SLK: variants seen among roughly 807,000 people sequenced by gnomAD.
SLK encodes STE20-like serine/threonine-protein kinase.
Under a neutral mutation model 147.7 loss-of-function variants are expected in SLK, and 67 were observed. The ratio of observed to expected loss-of-function variants is 0.45; its 90% CI spans 0.37 to 0.56. The LOEUF is 0.56. SLK is among the 20% of genes least tolerant of loss of function. The pLI, the probability that SLK is intolerant of heterozygous loss-of-function variation, is 0.00. For missense variants in SLK, 1,136 were observed against 1,438.8 expected, an observed-to-expected ratio of 0.79 and a Z score of 3.41; for synonymous variants, 441 against 475.0, an observed-to-expected ratio of 0.93 and a Z score of 0.93.
At chr10:104,012,655 A>T (rs1774594) in intron 13 of SLK, among the ~76,000 whole-genome samples, 21,588 of 152,112 alleles carry the variant, frequency 0.14, 1,762 homozygotes, top group South Asian at 0.18. Context: ...CATCCAGATA[A>T]GTTTGGGTAC....
Position 104,020,925 on chromosome 10 carries a change from G to A in SLK, c.3447+312G>A, listed in dbSNP as rs77184351. 1.9e-4 allele frequency among the ~76,000 whole-genome samples: 29 copies of A among 152,270 alleles called. 1 individual carries two copies. In the East Asian group the frequency reaches 5.6e-3, roughly 29 times the overall value. Reference sequence around the variant, plus strand: ...AAGATGTGGAGAGTTTCAAAATGATGTAGACAGTTTTGTTGTCATATTCTG... The same window carrying A: ...AAGATGTGGAGAGTTTCAAAATGATATAGACAGTTTTGTTGTCATATTCTG... On this transcript the variant is annotated intron_variant, in intron 17 of 18. Transcript: ENST00000369755.
chr10:104,020,656 A>G, intron 17 of SLK, 43 bp downstream of exon 17: 1 of 1,582,602 alleles, frequency 6.3e-7, no homozygotes, highest in Non-Finnish European at 8.6e-7. Flanking sequence ...AGGATGCGGC[A>G]GCACAAGTGG....
intron 1 of SLK, among the ~76,000 whole-genome samples, chr10:103,986,029 T>C (rs1844008116): frequency 6.6e-6 from 1 of 152,244 alleles, no homozygotes; most frequent in South Asian, 2.1e-4. Flanking sequence ...ACAGAAGTTA[T>C]ATTTTTAAAT....
intron 9 of SLK, among the ~76,000 whole-genome samples, chr10:104,004,417 TGAA>T (rs1346913340): frequency 1.3e-5 from 2 of 152,336 alleles, no homozygotes; most frequent in African/African-American, 2.4e-5. Context: ...TGTATAAGAA[TGAA>T]GAAGATATTA....
At chr10:104,025,483 GT>G in intron 18 of SLK, 90 bp from the exon 19 acceptor site, 1 of 1,265,744 alleles carries the variant, frequency 7.9e-7, no homozygotes, top group Non-Finnish European at 1.1e-6. Context: ...CAAAGAAAGT[GT>G]TTTGGACAAG....
intron 1 of SLK, among the ~76,000 whole-genome samples, chr10:103,970,583 A>G (rs1175837627): frequency 6.6e-6 from 1 of 152,066 alleles, no homozygotes; most frequent in Non-Finnish European, 1.5e-5. Flanking sequence ...TGAAATTAAA[A>G]CTTATCTGTC....
intron 17 of SLK, among the ~76,000 whole-genome samples, chr10:104,020,869 A>T (rs1844524892): frequency 6.6e-6 from 1 of 152,224 alleles, no homozygotes; most frequent in African/African-American, 2.4e-5. Context: ...CAAAAGCAGT[A>T]TTGAGTATGG....
At chr10:103,981,167 A>G (rs1338275992) in intron 1 of SLK, among the ~76,000 whole-genome samples, 3 of 149,418 alleles carry the variant, frequency 2.0e-5, no homozygotes, top group Non-Finnish European at 4.4e-5. Context: ...CTATTTTTGA[A>G]TTGGGCTAGT....
chr10:103,969,148 TA>T (rs1460517537), intron 1 of SLK, among the ~76,000 whole-genome samples: 2 of 152,166 alleles, frequency 1.3e-5, no homozygotes, highest in Non-Finnish European at 2.9e-5. Context: ...TTTGTATTTT[TA>T]GTAGAGACAG....
intron 13 of SLK, among the ~76,000 whole-genome samples, chr10:104,011,901 CAG>C (rs977048499): frequency 2.6e-5 from 4 of 152,084 alleles, no homozygotes; most frequent in Non-Finnish European, 5.9e-5. Flanking sequence ...GTATTTGTAA[CAG>C]AATTTTCTAG....
intron 1 of SLK, among the ~76,000 whole-genome samples, chr10:103,984,463 G>C (rs545886830): frequency 1.6e-4 from 25 of 152,156 alleles, no homozygotes; most frequent in African/African-American, 5.8e-4. Flanking sequence ...AACCATGCTG[G>C]AGCGCAATGG....
chr10:104,012,808 C>T (rs1745024561), intron 13 of SLK, among the ~76,000 whole-genome samples: 1 of 152,140 alleles, frequency 6.6e-6, no homozygotes, highest in Admixed American at 6.5e-5. Context: ...TCCTTGCTGG[C>T]CACACATGTA....
At chr10:104,012,814 A>G (rs889763027) in intron 13 of SLK, among the ~76,000 whole-genome samples, 2 of 152,236 alleles carry the variant, frequency 1.3e-5, no homozygotes, top group Non-Finnish European at 2.9e-5. Flanking sequence ...CTGGCCACAC[A>G]TGTACTTTTG....
chr10:103,994,017 C>T (rs1452062438), intron 4 of SLK, among the ~76,000 whole-genome samples: 1 of 152,018 alleles, frequency 6.6e-6, no homozygotes, highest in Non-Finnish European at 1.5e-5. Flanking sequence ...ACCTTATCCT[C>T]CCTAGTAGCT....
intron 1 of SLK, among the ~76,000 whole-genome samples, chr10:103,972,281 G>A (rs530818092): frequency 3.3e-5 from 5 of 152,308 alleles, no homozygotes; most frequent in African/African-American, 9.6e-5. Context: ...AGTTAATCCA[G>A]GAATGGAATT....
chr10:103,979,761 C>T (rs1052647614), intron 1 of SLK, among the ~76,000 whole-genome samples: 1 of 152,036 alleles, frequency 6.6e-6, no homozygotes, highest in Non-Finnish European at 1.5e-5. Flanking sequence ...GGATACTTAT[C>T]CTTTGTCCGT....
intron 1 of SLK, among the ~76,000 whole-genome samples, chr10:103,977,528 T>C (rs1278650901): frequency 2.0e-5 from 3 of 152,150 alleles, no homozygotes. Context: ...AGTGGGAGGA[T>C]CCCTTGAACT....
chr10:103,989,460 G>GTTCCTTT (rs1844060035), intron 1 of SLK, among the ~76,000 whole-genome samples: 7 of 96,812 alleles, frequency 7.2e-5, no homozygotes, highest in South Asian at 3.2e-4. Context: ...CAGTGTGGCA[G>GTTCCTTT]TTTCTTTTTT....
At chr10:103,980,277 AT>A (rs1301182494) in intron 1 of SLK, among the ~76,000 whole-genome samples, 1 of 152,072 alleles carries the variant, frequency 6.6e-6, no homozygotes, top group Non-Finnish European at 1.5e-5. Flanking sequence ...GTGCACATTT[AT>A]TTTTCAATTT....
Sources: allele counts gnomAD v4.1 joint callset (sites outside exome capture counted in the v4.1 genomes callset), GRCh38; gene constraint gnomAD v4.1.1; transcripts MANE v1.5; gene names NCBI Gene and HGNC (gene_info 2026-07-23, HGNC 2026-07-21).